Variants in ACKR1 observed in about 807,000 individuals in gnomAD.
ACKR1 encodes atypical chemokine receptor 1 (Duffy blood group).
ACKR1 carries 3 observed loss-of-function variants against 2.5 expected under a neutral mutation model. The ratio of observed to expected loss-of-function variants is 1.18; its 90% CI spans 0.54 to 3.06. ACKR1 has a LOEUF of 3.06. Among genes scored for constraint, ACKR1 ranks in the 30% most tolerant of loss-of-function variants. The probability of loss-of-function intolerance (pLI) is 0.03; values close to 1 mark genes in which losing one functional copy is unlikely to be tolerated. For missense variants in ACKR1, 438 were observed against 395.2 expected (o/e 1.11, Z -0.92); for synonymous variants, 208 against 178.2 (o/e 1.17, Z -1.33).
At position 159,205,598 on chromosome 1, in the gene ACKR1, C is replaced by A. The variant is rs765931138; in HGVS notation, c.159C>A (p.Ser53=). ...ANLEAAAPCH[S]CNLLDDSALP... ...TGGAAGCAGCTGCCCCCTGCCACTCCTGTAACCTGCTGGATGACTCTGCAC... is the reference window on the plus strand; with the variant it reads ...TGGAAGCAGCTGCCCCCTGCCACTCATGTAACCTGCTGGATGACTCTGCAC... The change falls in exon 2 of 2, where the codon TCC becomes TCA. Residue 53 remains serine, a synonymous_variant. Coordinates refer to ENST00000368122, the MANE Select transcript of ACKR1 (RefSeq NM_002036.4). The A allele has an allele frequency of 6.2e-7, 1 of 1,614,246 alleles. No individual in the cohort carries two copies. The highest frequency in any genetic ancestry group is 2.2e-5 in the East Asian group (1 of 44,886).
At position 159,204,886 on chromosome 1, in the gene ACKR1, G is replaced by T; in HGVS notation, c.-74G>T. ...ACCTGATGGCCCTCATTAGTCCTTG[G>T]CTCTTATCTTGGAAGCACAGGCGCT... On this transcript the variant is annotated 5_prime_UTR_variant, in exon 1 of 2. Coordinates refer to ENST00000368122, the MANE Select transcript of ACKR1 (RefSeq NM_002036.4). 1.3e-6 allele frequency: 2 copies of T among 1,591,040 alleles called. No homozygotes were observed. Among genetic ancestry groups the T allele is most frequent in the Non-Finnish European group, 1.7e-6 (2 of 1,159,264 alleles).
At position 159,205,511 on chromosome 1, in the gene ACKR1, T is replaced by C. The variant is rs542938419; in HGVS notation, c.72T>C (p.Asp24=). The part of the protein sequence containing the change: ...TENSSQLDFE[D]VWNSSYGVND... ...ACTCAAGTCAGCTGGACTTCGAAGA[T>C]GTATGGAATTCTTCCTATGGTGTGA... Residue 24 remains aspartate, a synonymous_variant, in exon 2 of 2, where the codon GAT becomes GAC. Coordinates refer to ENST00000368122, the MANE Select transcript of ACKR1 (RefSeq NM_002036.4). 6.2e-7 allele frequency: 1 copy of C among 1,614,154 alleles called. No individual in the cohort carries two copies. The highest frequency in any genetic ancestry group is 1.3e-5 in the African/African-American group (1 of 75,050).
chr1:159,206,218 T>A lies in ACKR1; in HGVS notation c.779T>A (p.Leu260Gln). ...FIFWWPHGVV[L>Q]GLDFLVRSKL... The stretch of plus-strand genomic sequence containing the variant: ...TTCTGGTGGCCTCATGGGGTGGTTC[T>A]AGGACTGGATTTCCTGGTGAGGTCC... Residue 260 changes from leucine to glutamine, a missense_variant, in exon 2 of 2, where the codon CTA becomes CAA. By Grantham distance (113) the Leu-to-Gln change is moderately radical. Transcript: ENST00000368122. 1 of 1,614,242 alleles carries A rather than the reference T, an allele frequency of 6.2e-7. No homozygotes were observed. Among genetic ancestry groups the A allele is most frequent in the Non-Finnish European group, 8.5e-7 (1 of 1,180,038 alleles).
chr1:159,205,572 C>A lies in ACKR1; in HGVS notation c.133C>A (p.Leu45Met), dbSNP rs768759913. ...SFPDGDYGAN[L>M]EAAAPCHSCN... Reference sequence around the variant, plus strand: ...CCCAGATGGAGACTATGGTGCCAACCTGGAAGCAGCTGCCCCCTGCCACTC... The same window carrying A: ...CCCAGATGGAGACTATGGTGCCAACATGGAAGCAGCTGCCCCCTGCCACTC... Residue 45 changes from leucine to methionine, a missense_variant, in exon 2 of 2, where the codon CTG (leucine) becomes ATG (methionine). Physicochemically the swap from Leu to Met is conservative, Grantham distance 15. Coordinates refer to ENST00000368122, the MANE Select transcript of ACKR1 (RefSeq NM_002036.4). 6.2e-7 allele frequency: 1 copy of A among 1,614,126 alleles called. No individual in the cohort carries two copies. The highest frequency in any genetic ancestry group is 1.3e-5 in the African/African-American group (1 of 74,946).
rs1650432650 is a variant in ACKR1, at chr1:159,205,951, T to C, written c.512T>C (p.Val171Ala). 2.5e-6 allele frequency: 4 copies of C among 1,613,908 alleles called. No homozygotes were observed. The South Asian group carries it at 4.4e-5, about 18-fold the overall frequency. ...QVPGLTLGLT[V>A]GIWGVAALLT... ...CCAGGCCTCACCCTGGGGCTCACTG[T>C]GGGAATTTGGGGAGTGGCTGCCCTA... Residue 171 changes from valine to alanine, a missense_variant, in exon 2 of 2, where the codon GTG becomes GCG. Coordinates refer to ENST00000368122, the MANE Select transcript of ACKR1 (RefSeq NM_002036.4).
At position 159,206,495 on chromosome 1, in the gene ACKR1, T is replaced by C. The variant is rs757757639; in HGVS notation, c.*45T>C. The C allele has an allele frequency of 2.0e-6, 3 of 1,535,462 alleles. No individual in the cohort carries two copies. Among genetic ancestry groups the C allele is most frequent in the Non-Finnish European group, 2.6e-6 (3 of 1,134,904 alleles). On this transcript the variant is annotated 3_prime_UTR_variant, in exon 2 of 2. Transcript: ENST00000368122. ...CCTGAATTAAAGTCTACACTGCCTT[T>C]GTGAAGCGGGTGGTTTCTTATTTTG...
Position 159,206,376 on chromosome 1 carries a change from C to T in ACKR1, c.937C>T (p.Arg313Cys), listed in dbSNP as rs150917132. Residue 313 changes from arginine (R) to cysteine (C), a missense_variant, in exon 2 of 2, where the codon CGC becomes TGC. By Grantham distance (180) the Arg-to-Cys change is radical. Coordinates refer to ENST00000368122, the MANE Select transcript of ACKR1 (RefSeq NM_002036.4). ...LLALFCHQATRTLLPSLPLPE... is the reference protein window; with the variant it reads ...LLALFCHQATCTLLPSLPLPE... The stretch of plus-strand genomic sequence containing the variant: ...CGCCCTATTCTGCCACCAGGCCACC[C>T]GCACCCTCTTGCCCTCTCTGCCCCT... The T allele has an allele frequency of 5.5e-5, 89 of 1,614,128 alleles. No homozygotes were observed. Among genetic ancestry groups the T allele is most frequent in the Non-Finnish European group, 6.8e-5 (80 of 1,180,050 alleles).
chr1:159,205,281 C>A, intron 1 of ACKR1, 180 bp from the exon 2 acceptor site: 1 of 803,666 alleles, frequency 1.2e-6, no homozygotes, highest in Admixed American at 2.9e-5. Context: ...ACTGTTCCTG[C>A]TCCGGCTCTT....
Position 159,205,684 on chromosome 1 carries a change from T to A in ACKR1, c.245T>A (p.Met82Lys). 11 of 1,614,232 alleles carry A rather than the reference T, an allele frequency of 6.8e-6. No homozygotes were observed. Among genetic ancestry groups the A allele is most frequent in the Non-Finnish European group, 9.3e-6 (11 of 1,180,042 alleles). Residue 82 changes from methionine to lysine, a missense_variant, in exon 2 of 2, where the codon ATG becomes AAG. Transcript: ENST00000368122. The part of the protein sequence containing the change: ...GILASSTVLF[M>K]LFRPLFRWQL... ...CTAGCTAGCAGCACTGTCCTCTTCA[T>A]GCTTTTCAGACCTCTCTTCCGCTGG...
chr1:159,205,006 T>C, intron 1 of ACKR1, 26 bp downstream of exon 1: 1 of 1,610,520 alleles, frequency 6.2e-7, no homozygotes. Context: ...GGCCCCAGAG[T>C]CCCTTATCCC....
intron 1 of ACKR1, 55 bp from the exon 2 acceptor site, chr1:159,205,406 C>A: frequency 6.4e-7 from 1 of 1,564,008 alleles, no homozygotes; most frequent in South Asian, 1.2e-5. Flanking sequence ...CCCCTCAATT[C>A]CCAGGAGACT....
Position 159,206,381 on chromosome 1 carries a change from C to A in ACKR1, c.942C>A (p.Thr314=). Residue 314 remains threonine (T), a synonymous_variant, in exon 2 of 2, where the codon ACC becomes ACA. Transcript: ENST00000368122. ...LALFCHQATR[T]LLPSLPLPEG... is the part of the protein sequence containing the mutation. ...TATTCTGCCACCAGGCCACCCGCAC[C>A]CTCTTGCCCTCTCTGCCCCTCCCTG... 1 of 1,614,236 alleles carries A rather than the reference C, an allele frequency of 6.2e-7. No individual in the cohort carries two copies. The highest frequency in any genetic ancestry group is 8.5e-7 in the Non-Finnish European group (1 of 1,180,038).
intron 1 of ACKR1, 52 bp from the exon 2 acceptor site, chr1:159,205,409 A>G: frequency 6.4e-7 from 1 of 1,565,254 alleles, no homozygotes; most frequent in Non-Finnish European, 8.7e-7. Flanking sequence ...CTCAATTCCC[A>G]GGAGACTCTT....
rs769882904 is a variant in ACKR1 at position 159,206,377 on chromosome 1, G to A, written c.938G>A (p.Arg313His). The change falls in exon 2 of 2, where the codon CGC becomes CAC. Residue 313 changes from arginine (R) to histidine (H), a missense_variant. Transcript: ENST00000368122. Reference protein sequence around the residue: ...LLALFCHQATRTLLPSLPLPE... With the variant: ...LLALFCHQATHTLLPSLPLPE... ...GCCCTATTCTGCCACCAGGCCACCC[G>A]CACCCTCTTGCCCTCTCTGCCCCTC... The A allele has an allele frequency of 1.9e-5, 31 of 1,614,098 alleles. No homozygotes were observed. In the East Asian group the frequency reaches 4.5e-4, roughly 23 times the overall value.
At position 159,206,094 on chromosome 1, in the gene ACKR1, G is replaced by A. The variant is rs146219376; in HGVS notation, c.655G>A (p.Val219Ile). Residue 219 changes from valine to isoleucine, a missense_variant, in exon 2 of 2, where the codon GTC becomes ATC. By Grantham distance (29) the Val-to-Ile change is conservative. Transcript: ENST00000368122. ...THTVACLAIF[V>I]LLPLGLFGAK... is the part of the protein sequence containing the mutation. ...CACTGTAGCCTGTCTTGCCATCTTT[G>A]TCTTGTTGCCATTGGGTTTGTTTGG... 125 of 1,614,232 alleles carry A rather than the reference G, an allele frequency of 7.7e-5. No homozygotes were observed. In the African/African-American group the frequency reaches 1.6e-3, roughly 21 times the overall value.
chr1:159,206,046 C>T lies in ACKR1; in HGVS notation c.607C>T (p.Leu203=). 1 of 1,614,266 alleles carries T rather than the reference C, an allele frequency of 6.2e-7. No individual in the cohort carries two copies. Among genetic ancestry groups the T allele is most frequent in the African/African-American group, 1.3e-5 (1 of 75,080 alleles). Residue 203 remains leucine, a synonymous_variant, in exon 2 of 2, where the codon CTG becomes TTG. Transcript: ENST00000368122. ...GLCTLIYSTE[L]KALQATHTVA... ...CTGCACCCTGATATACAGCACGGAG[C>T]TGAAGGCTTTGCAGGCCACACACAC...
In ACKR1 at chr1:159,205,639, TCA is replaced by T. The variant is rs1002177776; in HGVS notation, c.202_203del (p.Thr68GlnfsTer8). 6.2e-7 allele frequency: 1 copy of T among 1,614,100 alleles called. No individual in the cohort carries two copies. Among genetic ancestry groups the T allele is most frequent in the African/African-American group, 1.3e-5 (1 of 74,942 alleles). ...GACTCTGCACTGCCCTTCTTCATCC[TCA>T]CCAGTGTCCTGGGTATCCTAGCTAG... is the stretch of plus-strand genomic sequence containing the variant. On this transcript the variant is annotated frameshift_variant, in exon 2 of 2. Coordinates refer to ENST00000368122, the MANE Select transcript of ACKR1 (RefSeq NM_002036.4). LOFTEE classifies it low-confidence loss of function (END_TRUNC).
chr1:159,205,054 T>G (rs1650392867), intron 1 of ACKR1, 74 bp downstream of exon 1: 1 of 1,507,770 alleles, frequency 6.6e-7, no homozygotes, highest in African/African-American at 1.4e-5. Flanking sequence ...CCCCTCAGTC[T>G]TTATATCTCT....
In ACKR1 at chr1:159,205,535, G is replaced by C; in HGVS notation, c.96G>C (p.Val32=). ...ATGTATGGAATTCTTCCTATGGTGT[G>C]AATGATTCCTTCCCAGATGGAGACT... ...FEDVWNSSYG[V]NDSFPDGDYG... Residue 32 remains valine (V), a synonymous_variant, in exon 2 of 2, where the codon GTG becomes GTC. Transcript: ENST00000368122. 6.2e-7 allele frequency: 1 copy of C among 1,614,224 alleles called. No homozygotes were observed. Among genetic ancestry groups the C allele is most frequent in the Non-Finnish European group, 8.5e-7 (1 of 1,180,030 alleles).
Sources: allele counts gnomAD v4.1 joint callset, GRCh38; gene constraint gnomAD v4.1.1; transcripts MANE v1.5; gene names NCBI Gene and HGNC (gene_info 2026-07-23, HGNC 2026-07-21).